The following BANK1 variants were observed in gnomAD, a reference collection of about 807,000 sequenced individuals.
BANK1 encodes the protein B cell scaffold protein with ankyrin repeats 1, also known as B-cell scaffold protein with ankyrin repeats.
BANK1 carries 95 observed loss-of-function variants against 94.5 expected under a neutral mutation model. That is an observed-to-expected ratio of 1.00 (90% CI 0.85 to 1.19). The LOEUF (loss-of-function observed/expected upper bound fraction) is 1.19. BANK1 is among the 50% of genes most tolerant of loss of function. The pLI is 0.00. For missense variants in BANK1, 987 were observed against 932.2 expected (o/e 1.06, Z -0.77); for synonymous variants, 334 against 308.4 (o/e 1.08, Z -0.87).
Position 102,029,971 on chromosome 4 carries a change from G to A in BANK1, c.1606G>A (p.Glu536Lys). The change falls in exon 10 of 17, where the codon GAA becomes AAA. Residue 536 changes from glutamate (E) to lysine (K), a missense_variant. Coordinates refer to ENST00000322953, the MANE Select transcript of BANK1 (RefSeq NM_017935.5). ...PHFTLPGTMV[E>K]GQMERSQNWG... ...TATTTCATAAACAGGGACAATGGTGGAAGGCCAAATGGAAAGAAGTCAAAA... is the reference window on the plus strand; with the variant it reads ...TATTTCATAAACAGGGACAATGGTGAAAGGCCAAATGGAAAGAAGTCAAAA... 6.2e-7 allele frequency: 1 copy of A among 1,604,992 alleles called. No individual in the cohort carries two copies. The highest frequency in any genetic ancestry group is 8.5e-7 in the Non-Finnish European group (1 of 1,177,408).
chr4:101,945,033 T>C (rs1723883702), intron 7 of BANK1, among the ~76,000 whole-genome samples: 1 of 152,016 alleles, frequency 6.6e-6, no homozygotes. Flanking sequence ...GGCAAACTTG[T>C]AGATGGAAAG....
chr4:101,907,948 A>G (rs573703885), intron 6 of BANK1, among the ~76,000 whole-genome samples: 1 of 152,334 alleles, frequency 6.6e-6, no homozygotes, highest in South Asian at 2.1e-4. Context: ...CATGGGTAGG[A>G]AGAATCAGTA....
chr4:102,011,609 A>G (rs756177598), intron 7 of BANK1, among the ~76,000 whole-genome samples: 2 of 152,214 alleles, frequency 1.3e-5, no homozygotes, highest in South Asian at 2.1e-4. Flanking sequence ...TTACCTTCCA[A>G]CATGAGCTTA....
rs755935660 is a variant in BANK1, at chr4:102,063,145, A to G, written c.2212+7A>G. On this transcript the variant is annotated splice_region_variant and intron_variant, in intron 13 of 16. Coordinates refer to ENST00000322953, the MANE Select transcript of BANK1 (RefSeq NM_017935.5). Reference sequence around the variant, plus strand: ...GAAGAAGAAAATGTCTATAGTAAGTAAGATTCGCCTGCTATTCAAAAATAA... The same window carrying G: ...GAAGAAGAAAATGTCTATAGTAAGTGAGATTCGCCTGCTATTCAAAAATAA... 4 of 1,606,872 alleles carry G rather than the reference A, an allele frequency of 2.5e-6. No individual in the cohort carries two copies. The highest frequency in any genetic ancestry group is 1.7e-5 in the Admixed American group (1 of 59,926).
intron 1 of BANK1, among the ~76,000 whole-genome samples, chr4:101,806,299 A>G (rs552369984): frequency 1.6e-4 from 24 of 151,890 alleles, no homozygotes; most frequent in Non-Finnish European, 2.9e-4. Context: ...TCATTTTTCA[A>G]TATTTTAGTT....
chr4:101,999,271 C>A (rs1194086270), intron 7 of BANK1, among the ~76,000 whole-genome samples: 2 of 152,120 alleles, frequency 1.3e-5, no homozygotes, highest in Non-Finnish European at 2.9e-5. Context: ...AATTCCTTGC[C>A]TTTTCCAACT....
chr4:101,986,857 A>ATATATATGTGTATATATATG lies in BANK1; in HGVS notation c.1207-34650_1207-34649insGTGTATATATATGTATATAT, dbSNP rs1560668268. ...TGTATATATATGTGTATATATATGT[A>ATATATATGTGTATATATATG]TATATATATGTGTGTATGTGTGTGT... On this transcript the variant is annotated intron_variant, in intron 7 of 16. Transcript: ENST00000322953. Among the ~76,000 whole-genome samples the ATATATATGTGTATATATATG allele has an allele frequency of 3.6e-3, 177 of 48,862 alleles. 6 individuals are homozygous for ATATATATGTGTATATATATG. Among genetic ancestry groups the ATATATATGTGTATATATATG allele is most frequent in the African/African-American group, 9.9e-3 (130 of 13,104 alleles). The allele number at this position is 48,862 out of a possible 152,430, so 32.1% of individuals were successfully genotyped here.
At chr4:102,022,248 A>G (rs1726940490) in intron 8 of BANK1, among the ~76,000 whole-genome samples, 1 of 152,128 alleles carries the variant, frequency 6.6e-6, no homozygotes, top group Non-Finnish European at 1.5e-5. Flanking sequence ...GATTCCTGCC[A>G]TTGCCAAACC....
rs574228910 is a variant in BANK1 at position 101,793,628 on chromosome 4, C to A, written c.70+2678C>A. On this transcript the variant is annotated intron_variant, in intron 1 of 16. Transcript: ENST00000322953. ...TCTTTTGACTCATACTGCCTCAGAT[C>A]TAGTCCCAGCTTCATTGCCTGTCTC... Among the ~76,000 whole-genome samples the A allele has an allele frequency of 2.0e-5, 3 of 152,282 alleles. No individual in the cohort carries two copies. The East Asian group carries it at 5.8e-4, about 29-fold the overall frequency.
intron 9 of BANK1, 104 bp from the exon 10 acceptor site, chr4:102,029,856 C>A: frequency 2.9e-6 from 3 of 1,050,222 alleles, no homozygotes; most frequent in Non-Finnish European, 4.2e-6. Flanking sequence ...TTTCCTACGG[C>A]ACTTGACTAA....
At chr4:101,821,401 G>T (rs1049526653) in intron 1 of BANK1, among the ~76,000 whole-genome samples, 1 of 152,110 alleles carries the variant, frequency 6.6e-6, no homozygotes, top group Admixed American at 6.5e-5. Context: ...CATTCTGTAC[G>T]TTGTCTGTTC....
In BANK1 at chr4:101,855,029, C is replaced by A; in HGVS notation, c.470-6C>A. ...TTATAATCTACATTCATAAAATTTT[C>A]TCTAGATTCTGAAGACTACTTTGAG... is the stretch of plus-strand genomic sequence containing the variant. On this transcript the variant is annotated splice_polypyrimidine_tract_variant and splice_region_variant and intron_variant, in intron 2 of 16. Transcript: ENST00000322953. The A allele has an allele frequency of 6.3e-7, 1 of 1,595,994 alleles. No individual in the cohort carries two copies. The highest frequency in any genetic ancestry group is 8.6e-7 in the Non-Finnish European group (1 of 1,167,554).
At chr4:101,931,949 A>T (rs1175795233) in intron 7 of BANK1, among the ~76,000 whole-genome samples, 1 of 151,516 alleles carries the variant, frequency 6.6e-6, no homozygotes, top group African/African-American at 2.4e-5. Flanking sequence ...AACTAACTAA[A>T]GTTGTTTTAG....
intron 4 of BANK1, among the ~76,000 whole-genome samples, chr4:101,863,156 T>A (rs1466106829): frequency 6.6e-6 from 1 of 152,030 alleles, no homozygotes; most frequent in African/African-American, 2.4e-5. Flanking sequence ...CATCTTTTCC[T>A]CATCTCACTT....
At chr4:101,914,879 C>G (rs976093276) in intron 6 of BANK1, among the ~76,000 whole-genome samples, 16 of 152,058 alleles carry the variant, frequency 1.1e-4, no homozygotes, top group Non-Finnish European at 1.5e-5. Flanking sequence ...CAAAATAAAC[C>G]ACAAAAACTG....
At position 102,074,686 on chromosome 4, in the gene BANK1, C is replaced by T. The variant is rs185570202; in HGVS notation, c.*687C>T. On this transcript the variant is annotated 3_prime_UTR_variant, in exon 17 of 17. Transcript: ENST00000322953. ...AGCTTAGAATAGAAAGCAATGTTAT[C>T]GTCATATAATTTTCATGTACAAATG... is the stretch of plus-strand genomic sequence containing the variant. 7.9e-5 allele frequency: 12 copies of T among 152,000 alleles called. No homozygotes were observed. The highest frequency in any genetic ancestry group is 5.2e-4 in the Admixed American group (8 of 15,272). The allele number at this position is 152,000 out of a possible 1,614,324, so 9.4% of individuals were successfully genotyped here. A position where few individuals can be genotyped will look rare whatever the true frequency, so the allele number is the denominator to read the frequency against.
At chr4:101,816,163 T>C (rs749324761) in intron 1 of BANK1, among the ~76,000 whole-genome samples, 38 of 152,166 alleles carry the variant, frequency 2.5e-4, no homozygotes, top group Non-Finnish European at 3.5e-4. Flanking sequence ...TGATCACCGA[T>C]GTGGTCAAAG....
At chr4:101,933,881 C>T (rs1173265643) in intron 7 of BANK1, among the ~76,000 whole-genome samples, 2 of 151,432 alleles carry the variant, frequency 1.3e-5, no homozygotes, top group African/African-American at 4.8e-5. Context: ...GAGACACTGT[C>T]GTTTAGGAGT....
chr4:101,802,097 A>G (rs1344955113), intron 1 of BANK1, among the ~76,000 whole-genome samples: 1 of 152,224 alleles, frequency 6.6e-6, no homozygotes, highest in Non-Finnish European at 1.5e-5. Flanking sequence ...GTCTGTGGGC[A>G]TAGGCCCGGG....
Sources: allele counts gnomAD v4.1 joint callset (sites outside exome capture counted in the v4.1 genomes callset), GRCh38; gene constraint gnomAD v4.1.1; transcripts MANE v1.5; gene names NCBI Gene and HGNC (gene_info 2026-07-23, HGNC 2026-07-21).